The following CNOT6 variants were observed in gnomAD, a reference collection of about 807,000 sequenced individuals.
CNOT6 encodes CCR4-NOT transcription complex subunit 6.
A neutral mutation model predicts 61.2 loss-of-function variants in CNOT6; 12 were observed. That is an observed-to-expected ratio of 0.20 (90% confidence interval 0.13 to 0.32). CNOT6 has a LOEUF of 0.32. CNOT6 is among the 10% of genes least tolerant of loss of function. The probability of loss-of-function intolerance (pLI) is 1.00; values close to 1 mark genes in which losing one functional copy is unlikely to be tolerated. For missense variants in CNOT6, 405 were observed against 663.9 expected (o/e 0.61, Z 4.28); for synonymous variants, 225 against 240.6 (o/e 0.94, Z 0.60).
intron 2 of CNOT6, among the ~76,000 whole-genome samples, chr5:180,536,316 TGTTGA>T (rs1758697541): frequency 6.6e-6 from 1 of 151,872 alleles, no homozygotes; most frequent in Admixed American, 6.6e-5. Context: ...GTTTTTTTCA[TGTTGA>T]GTTGAGTTCC....
Position 180,569,058 on chromosome 5 carries a change from G to T in CNOT6, c.1028-52G>T. The T allele has an allele frequency of 3.0e-6, 4 of 1,326,574 alleles. No homozygotes were observed. The East Asian group carries it at 7.0e-5, about 23-fold the overall frequency. The allele number at this position is 1,326,574 out of a possible 1,614,324, so 82.2% of individuals were successfully genotyped here. ...CTTTCAGACGCTGTAAGAATATATG[G>T]GCTGATGGGCGGGTTTTGTCTCTTT... On this transcript the variant is annotated intron_variant, in intron 9 of 11. Transcript: ENST00000261951.
At chr5:180,520,918 C>T (rs1419295502) in intron 1 of CNOT6, among the ~76,000 whole-genome samples, 3 of 151,364 alleles carry the variant, frequency 2.0e-5, no homozygotes, top group African/African-American at 7.3e-5. Flanking sequence ...AACCTCAGCT[C>T]ATTGCAACTT....
In CNOT6 at chr5:180,549,622, C is replaced by G. The variant is rs569707048; in HGVS notation, c.113-309C>G. Among the ~76,000 whole-genome samples, 157 of 151,846 alleles carry G rather than the reference C, an allele frequency of 1.0e-3. 1 individual carries two copies. The highest frequency in any genetic ancestry group is 1.9e-3 in the Non-Finnish European group (127 of 67,968). Reference sequence around the variant, plus strand: ...CCAGATCACGCCACTGCACTCCAGCCTGGGCAACAGAGCGAGACTCCGTTT... The same window carrying G: ...CCAGATCACGCCACTGCACTCCAGCGTGGGCAACAGAGCGAGACTCCGTTT... On this transcript the variant is annotated intron_variant, in intron 2 of 11. Coordinates refer to ENST00000261951, the MANE Select transcript of CNOT6 (RefSeq NM_001370472.1).
At chr5:180,518,933 G>T (rs11742141) in intron 1 of CNOT6, among the ~76,000 whole-genome samples, 1 of 152,094 alleles carries the variant, frequency 6.6e-6, no homozygotes, top group Admixed American at 6.5e-5. Flanking sequence ...GGCTGGTTTC[G>T]AACTCCTGGG....
intron 4 of CNOT6, among the ~76,000 whole-genome samples, chr5:180,556,307 G>A (rs1014108776): frequency 6.6e-6 from 1 of 152,138 alleles, no homozygotes; most frequent in African/African-American, 2.4e-5. Context: ...GTCAGAGGGT[G>A]CGCAGTTTCA....
At chr5:180,570,109 G>C (rs774387325) in intron 10 of CNOT6, among the ~76,000 whole-genome samples, 1 of 152,174 alleles carries the variant, frequency 6.6e-6, no homozygotes, top group East Asian at 1.9e-4. Context: ...CGTAATCCCA[G>C]CACTTTGGGG....
chr5:180,516,471 C>T lies in CNOT6; in HGVS notation c.-2-12804C>T, dbSNP rs552581211. ...CTGGGATTACAGACGTGAGCCACCGCGCCCAGCTCCAAAGTGCTGGGAAAA... is the reference window on the plus strand; with the variant it reads ...CTGGGATTACAGACGTGAGCCACCGTGCCCAGCTCCAAAGTGCTGGGAAAA... On this transcript the variant is annotated intron_variant, in intron 1 of 11. Transcript: ENST00000261951. 4.6e-5 allele frequency among the ~76,000 whole-genome samples: 7 copies of T among 152,270 alleles called. No individual in the cohort carries two copies. In the South Asian group the frequency reaches 6.2e-4, roughly 14 times the overall value.
chr5:180,541,585 G>A (rs1759046058), intron 2 of CNOT6, among the ~76,000 whole-genome samples: 1 of 150,572 alleles, frequency 6.6e-6, no homozygotes, highest in Non-Finnish European at 1.5e-5. Context: ...CCGAGTAGCT[G>A]GGACTAACAG....
intron 4 of CNOT6, among the ~76,000 whole-genome samples, chr5:180,563,325 C>T (rs1760283461): frequency 6.6e-6 from 1 of 151,866 alleles, no homozygotes; most frequent in Admixed American, 6.6e-5. Flanking sequence ...ACGCCATTCT[C>T]CTGCCTCAGC....
chr5:180,521,128 C>T (rs973609832), intron 1 of CNOT6, among the ~76,000 whole-genome samples: 9 of 152,172 alleles, frequency 5.9e-5, no homozygotes, highest in African/African-American at 1.4e-4. Context: ...TGTGAGACAC[C>T]GCGCCTGGCA....
At chr5:180,570,958 C>A (rs1760719778) in intron 10 of CNOT6, among the ~76,000 whole-genome samples, 1 of 152,106 alleles carries the variant, frequency 6.6e-6, no homozygotes, top group African/African-American at 2.4e-5. Flanking sequence ...AAATAAGTAA[C>A]CAGTAAATAT....
At chr5:180,496,704 C>T (rs998865222) in intron 1 of CNOT6, among the ~76,000 whole-genome samples, 2 of 152,164 alleles carry the variant, frequency 1.3e-5, no homozygotes, top group Admixed American at 6.5e-5. Context: ...ACTGTCACAA[C>T]GTAGTGAGAC....
chr5:180,502,021 GACT>G (rs1756889051), intron 1 of CNOT6, among the ~76,000 whole-genome samples: 2 of 152,070 alleles, frequency 1.3e-5, no homozygotes, highest in Admixed American at 1.3e-4. Context: ...GAAGGTTATA[GACT>G]ACTATTTGCA....
chr5:180,538,274 C>T (rs541647863), intron 2 of CNOT6, among the ~76,000 whole-genome samples: 14 of 151,698 alleles, frequency 9.2e-5, no homozygotes, highest in South Asian at 2.1e-4. Flanking sequence ...CTCCTGACCT[C>T]GTGATCTGCC....
chr5:180,507,129 C>T (rs992662021), intron 1 of CNOT6, among the ~76,000 whole-genome samples: 2 of 151,980 alleles, frequency 1.3e-5, no homozygotes, highest in Admixed American at 6.6e-5. Context: ...GTGTCTGGGG[C>T]GTTTCAGGCA....
chr5:180,550,988 T>C (rs1759567121), intron 3 of CNOT6, among the ~76,000 whole-genome samples: 1 of 152,046 alleles, frequency 6.6e-6, no homozygotes, highest in Non-Finnish European at 1.5e-5. Flanking sequence ...GGATAAGGGA[T>C]GTTTGAGATA....
chr5:180,528,841 A>G (rs931777500), intron 1 of CNOT6, among the ~76,000 whole-genome samples: 1 of 152,086 alleles, frequency 6.6e-6, no homozygotes, highest in Non-Finnish European at 1.5e-5. Context: ...CTGTGCTTGG[A>G]ATAATCAATT....
chr5:180,553,993 T>C (rs1759745709), intron 4 of CNOT6, among the ~76,000 whole-genome samples: 1 of 152,254 alleles, frequency 6.6e-6, no homozygotes, highest in African/African-American at 2.4e-5. Flanking sequence ...TTGAAAGTTA[T>C]ATTTTGACAG....
intron 3 of CNOT6, among the ~76,000 whole-genome samples, chr5:180,551,230 A>G (rs868194961): frequency 4.6e-5 from 7 of 150,850 alleles, no homozygotes; most frequent in Admixed American, 6.6e-5. Flanking sequence ...CGTGGCATGC[A>G]CCTGTAGTCC....
Sources: gnomAD v4.1 joint callset for allele counts (sites outside exome capture counted in the v4.1 genomes callset) on GRCh38, gnomAD v4.1.1 for gene constraint, MANE v1.5 for transcripts, NCBI Gene and HGNC (gene_info 2026-07-23, HGNC 2026-07-21) for gene names.